The following DSG1 variants were observed in gnomAD, a reference collection of about 807,000 sequenced individuals.
The protein encoded by DSG1 is desmoglein 1, also known as desmoglein-1.
Under a neutral mutation model 97.5 loss-of-function variants are expected in DSG1, and 39 were observed. The ratio of observed to expected loss-of-function variants is 0.40; its 90% CI spans 0.31 to 0.52. The LOEUF is 0.52. Ranked by LOEUF, DSG1 falls within the 20% of genes least tolerant of loss-of-function variation. The probability of loss-of-function intolerance (pLI) is 0.53; values close to 1 mark genes in which losing one functional copy is unlikely to be tolerated. For synonymous variants in DSG1, 475 were observed against 443.4 expected (o/e 1.07, Z -0.90); for missense variants, 1,311 against 1,295.4 (o/e 1.01, Z -0.18).
At chr18:31,348,406 G>A (rs2071861780) in intron 14 of DSG1, among the ~76,000 whole-genome samples, 1 of 151,744 alleles carries the variant, frequency 6.6e-6, no homozygotes, top group African/African-American at 2.4e-5. Context: ...CTTTGCTATT[G>A]TGAATAATGC....
Position 31,346,054 on chromosome 18 carries a change from A to G in DSG1, c.1956A>G (p.Thr652=). Residue 652 remains threonine, a synonymous_variant, in exon 14 of 15, where the codon ACA becomes ACG. Transcript: ENST00000257192. ...MQDLGGGERM[T]GFELTEGVKT... is the part of the protein sequence containing the mutation. ...ATCTGGGAGGAGGAGAGAGAATGAC[A>G]GGATTTGAACTAACAGAGGGAGTTA... is the stretch of plus-strand genomic sequence containing the variant. 1.2e-6 allele frequency: 2 copies of G among 1,613,978 alleles called. No individual in the cohort carries two copies. The highest frequency in any genetic ancestry group is 1.7e-6 in the Non-Finnish European group (2 of 1,179,888).
chr18:31,334,896 T>A (rs1430884464), intron 8 of DSG1, among the ~76,000 whole-genome samples: 2 of 152,200 alleles, frequency 1.3e-5, no homozygotes, highest in African/African-American at 4.8e-5. Context: ...ATAGTCAAAG[T>A]TTCGCCCTGT....
Position 31,330,025 on chromosome 18 carries a change from A to T in DSG1, c.506A>T (p.Asn169Ile), listed in dbSNP as rs1254127491. 1 of 1,613,062 alleles carries T rather than the reference A, an allele frequency of 6.2e-7. No individual in the cohort carries two copies. Among genetic ancestry groups the T allele is most frequent in the Non-Finnish European group, 8.5e-7 (1 of 1,179,160 alleles). The change falls in exon 5 of 15, where the codon AAT becomes ATT. Residue 169 changes from asparagine to isoleucine, a missense_variant. Asn to Ile is a moderately radical substitution (Grantham distance 149). Transcript: ENST00000257192. Reference sequence around the variant, plus strand: ...ACATTTGCAGGACAAATAGAAGAAAATTCTAATGCAAGTAAGTAATGTAGT... The same window carrying T: ...ACATTTGCAGGACAAATAGAAGAAATTTCTAATGCAAGTAAGTAATGTAGT... ...MATFAGQIEE[N>I]SNANTLVMIL...
At chr18:31,347,357 A>T (rs920539988) in intron 14 of DSG1, among the ~76,000 whole-genome samples, 16 of 152,164 alleles carry the variant, frequency 1.1e-4, no homozygotes, top group Admixed American at 9.2e-4. Context: ...TACCCTATCT[A>T]AAAGAACAGC....
chr18:31,328,368 A>T (rs1450310786), intron 4 of DSG1, 24 bp downstream of exon 4: 2 of 1,602,924 alleles, frequency 1.2e-6, no homozygotes, highest in South Asian at 2.2e-5. Flanking sequence ...ATGTCAATAT[A>T]TATGTTCATG....
chr18:31,334,296 G>A, intron 8 of DSG1, 94 bp downstream of exon 8: 1 of 901,300 alleles, frequency 1.1e-6, no homozygotes, highest in Admixed American at 2.3e-5. Flanking sequence ...CACAAACTTG[G>A]CTTAGTGAAA....
rs748143144 is a variant in DSG1 at position 31,354,695 on chromosome 18, T to G, written c.2499T>G (p.Gly833=). The G allele has an allele frequency of 6.2e-7, 1 of 1,614,148 alleles. No individual in the cohort carries two copies. ...PKPILDPLGY[G]NVTVTESYTT... The stretch of plus-strand genomic sequence containing the variant: ...CTATTCTCGATCCTCTGGGCTATGG[T>G]AATGTCACTGTGACCGAGTCTTACA... The change falls in exon 15 of 15, where the codon GGT becomes GGG. Residue 833 remains glycine, a synonymous_variant. Transcript: ENST00000257192.
At chr18:31,334,556 A>G (rs2071740335) in intron 8 of DSG1, among the ~76,000 whole-genome samples, 2 of 152,198 alleles carry the variant, frequency 1.3e-5, no homozygotes, top group South Asian at 2.1e-4. Flanking sequence ...TAGAGGCTTT[A>G]AAACTGTGTC....
In DSG1 at chr18:31,327,019, C is replaced by G. The variant is rs1421661692; in HGVS notation, c.216+14C>G. On this transcript the variant is annotated intron_variant, in intron 3 of 14. Transcript: ENST00000257192. ...CCAATCGCCAAAGTAGGTATCAACT[C>G]CAAAGCATAACATTGAAAATCAGAA... 1 of 1,613,442 alleles carries G rather than the reference C, an allele frequency of 6.2e-7. No homozygotes were observed. The highest frequency in any genetic ancestry group is 8.5e-7 in the Non-Finnish European group (1 of 1,179,664).
chr18:31,328,291 G>A lies in DSG1; in HGVS notation c.319G>A (p.Gly107Ser). Reference protein sequence around the residue: ...YGIFVINQKTGEINITSIVDR... With the variant: ...YGIFVINQKTSEINITSIVDR... ...GATCTTTGTCATTAATCAGAAAACT[G>A]GTGAAATTAATATAACATCCATAGT... is the stretch of plus-strand genomic sequence containing the variant. The change falls in exon 4 of 15, where the codon GGT becomes AGT. Residue 107 changes from glycine to serine, a missense_variant. Physicochemically the swap from Gly to Ser is moderately conservative, Grantham distance 56. Transcript: ENST00000257192. 1 of 1,613,416 alleles carries A rather than the reference G, an allele frequency of 6.2e-7. No individual in the cohort carries two copies. The highest frequency in any genetic ancestry group is 8.5e-7 in the Non-Finnish European group (1 of 1,179,528).
Position 31,355,393 on chromosome 18 carries a change from A to T in DSG1, c.*47A>T, listed in dbSNP as rs758706413. The stretch of plus-strand genomic sequence containing the variant: ...TCATAGTCATTGTGGTTTAGATCCA[A>T]TTCCCACCACTAAAAAACCAACAAT... On this transcript the variant is annotated 3_prime_UTR_variant, in exon 15 of 15. Coordinates refer to ENST00000257192, the MANE Select transcript of DSG1 (RefSeq NM_001942.4). 3 of 1,578,322 alleles carry T rather than the reference A, an allele frequency of 1.9e-6. No homozygotes were observed. The African/African-American group carries it at 4.0e-5, about 21-fold the overall frequency.
chr18:31,355,542 C>A lies in DSG1; in HGVS notation c.*196C>A, dbSNP rs1454554052. 4 of 634,630 alleles carry A rather than the reference C, an allele frequency of 6.3e-6. No homozygotes were observed. The East Asian group carries it at 8.4e-5, about 13-fold the overall frequency. The allele number at this position is 634,630 out of a possible 1,614,324, so 39.3% of individuals were successfully genotyped here. ...CTCTCCTTAGCATTCATAAACTTTT[C>A]TCTTATATTAGGACTAAGGAACTAA... is the stretch of plus-strand genomic sequence containing the variant. On this transcript the variant is annotated 3_prime_UTR_variant, in exon 15 of 15. Coordinates refer to ENST00000257192, the MANE Select transcript of DSG1 (RefSeq NM_001942.4).
chr18:31,337,886 G>A (rs896607416), intron 9 of DSG1, among the ~76,000 whole-genome samples: 1 of 152,148 alleles, frequency 6.6e-6, no homozygotes, highest in African/African-American at 2.4e-5. Flanking sequence ...TGAGAAGGAG[G>A]AGCAGAAACA....
At chr18:31,330,367 C>A (rs1052631111) in intron 5 of DSG1, among the ~76,000 whole-genome samples, 4 of 152,046 alleles carry the variant, frequency 2.6e-5, no homozygotes, top group African/African-American at 9.7e-5. Flanking sequence ...GAAGGACAAT[C>A]CCACCCTTTT....
chr18:31,329,831 C>T lies in DSG1; in HGVS notation c.373-61C>T, dbSNP rs1034894796. On this transcript the variant is annotated intron_variant, in intron 4 of 14. Transcript: ENST00000257192. ...TTCGCCACAGTGCTAGCATAATGCT[C>T]AAAGTAAGAACTTAATAAATCTGTG... 6 of 1,585,070 alleles carry T rather than the reference C, an allele frequency of 3.8e-6. No homozygotes were observed. The Admixed American group carries it at 8.4e-5, about 22-fold the overall frequency.
intron 1 of DSG1, among the ~76,000 whole-genome samples, chr18:31,325,466 A>G (rs2071680129): frequency 1.3e-5 from 2 of 152,228 alleles, no homozygotes; most frequent in African/African-American, 4.8e-5. Context: ...AGAGAGAGGG[A>G]AAAGTGTTCA....
chr18:31,319,936 G>C (rs1483800569), intron 1 of DSG1, among the ~76,000 whole-genome samples: 1 of 151,596 alleles, frequency 6.6e-6, no homozygotes, highest in Non-Finnish European at 1.5e-5. Context: ...TTGGGAATGG[G>C]GGAAGAGGAG....
At chr18:31,354,141 TA>T (rs1206971269) in intron 14 of DSG1, 155 bp from the exon 15 acceptor site, 1 of 641,306 alleles carries the variant, frequency 1.6e-6, no homozygotes, top group Non-Finnish European at 2.7e-6. Flanking sequence ...CAAATAATTA[TA>T]AAATGATTTT....
In DSG1 at chr18:31,358,136, G is replaced by C. The variant is rs2071974391; in HGVS notation, c.*2790G>C. Among the ~76,000 whole-genome samples the C allele has an allele frequency of 6.6e-6, 1 of 151,912 alleles. No individual in the cohort carries two copies. The highest frequency in any genetic ancestry group is 1.5e-5 in the Non-Finnish European group (1 of 67,860). On this transcript the variant is annotated 3_prime_UTR_variant, in exon 15 of 15. Coordinates refer to ENST00000257192, the MANE Select transcript of DSG1 (RefSeq NM_001942.4). Reference sequence around the variant, plus strand: ...CTCTTAACAAAAGGAAAAAGAAATAGTAATTTAATACTATGTATGTATGGT... The same window carrying C: ...CTCTTAACAAAAGGAAAAAGAAATACTAATTTAATACTATGTATGTATGGT...
Sources: allele counts gnomAD v4.1 joint callset (sites outside exome capture counted in the v4.1 genomes callset), GRCh38; gene constraint gnomAD v4.1.1; transcripts MANE v1.5; gene names NCBI Gene and HGNC (gene_info 2026-07-23, HGNC 2026-07-21).